PAAF1: variants seen among roughly 807,000 people sequenced by gnomAD.
The protein encoded by PAAF1 is proteasomal ATPase-associated factor 1.
PAAF1 carries 46 observed loss-of-function variants against 52.8 expected under a neutral mutation model. The observed-to-expected ratio is 0.87, with a 90% confidence interval of 0.69 to 1.11. The LOEUF is 1.11. Ranked by LOEUF, PAAF1 falls within the 50% of genes most tolerant of loss-of-function variation. The pLI, the probability that PAAF1 is intolerant of heterozygous loss-of-function variation, is 0.00. For synonymous variants in PAAF1, 178 were observed against 172.8 expected, an observed-to-expected ratio of 1.03 and a Z score of -0.24; for missense variants, 424 against 477.4, an observed-to-expected ratio of 0.89 and a Z score of 1.04.
rs376222796 is a variant in PAAF1, at chr11:73,907,947, A to G, written c.533-1452A>G. Among the ~76,000 whole-genome samples the G allele has an allele frequency of 9.9e-5, 15 of 152,222 alleles. No individual in the cohort carries two copies. The South Asian group carries it at 2.9e-3, about 29-fold the overall frequency. On this transcript the variant is annotated intron_variant, in intron 6 of 11. Coordinates refer to ENST00000310571, the MANE Select transcript of PAAF1 (RefSeq NM_025155.3). The stretch of plus-strand genomic sequence containing the variant: ...GCTTCTGCAGTGTCCTGTCCAGGAC[A>G]TGTGGGAGGCAATAAGGAAATCCAG...
chr11:73,888,965 G>A (rs1031979994), intron 3 of PAAF1: 5 of 501,944 alleles, frequency 1.0e-5, no homozygotes, highest in Non-Finnish European at 1.8e-5. Context: ...CAATCCTGTG[G>A]GATTGGCATT....
chr11:73,884,148 C>G (rs1948994995), intron 2 of PAAF1, among the ~76,000 whole-genome samples: 3 of 152,032 alleles, frequency 2.0e-5, no homozygotes, highest in South Asian at 2.1e-4. Context: ...TGGATTGATC[C>G]TAGTTCTGCT....
At chr11:73,890,905 C>T (rs1949181457) in intron 3 of PAAF1, among the ~76,000 whole-genome samples, 1 of 152,104 alleles carries the variant, frequency 6.6e-6, no homozygotes, top group African/African-American at 2.4e-5. Context: ...CTTAGCAATA[C>T]CAAATTACAC....
chr11:73,908,247 G>GTA (rs567090932), intron 6 of PAAF1, among the ~76,000 whole-genome samples: 115 of 146,076 alleles, frequency 7.9e-4, no homozygotes, highest in African/African-American at 2.8e-3. Flanking sequence ...ATATATATGT[G>GTA]TATATATATG....
chr11:73,921,575 T>G (rs1165815759), intron 10 of PAAF1: 1 of 575,264 alleles, frequency 1.7e-6, no homozygotes, highest in Non-Finnish European at 3.4e-6. Context: ...TAAAACTTTA[T>G]GAAATAAAGG....
At chr11:73,887,776 G>T (rs1949100688) in intron 3 of PAAF1, among the ~76,000 whole-genome samples, 2 of 152,140 alleles carry the variant, frequency 1.3e-5, no homozygotes, top group Admixed American at 6.5e-5. Context: ...TTGAGATGGA[G>T]TCTTGCTCTG....
intron 3 of PAAF1, among the ~76,000 whole-genome samples, chr11:73,888,629 T>C (rs1237846405): frequency 6.6e-6 from 1 of 152,224 alleles, no homozygotes; most frequent in African/African-American, 2.4e-5. Context: ...GAGAATACTT[T>C]GTTTTTTACA....
chr11:73,884,449 C>T (rs572710227), intron 2 of PAAF1, among the ~76,000 whole-genome samples: 1 of 152,154 alleles, frequency 6.6e-6, no homozygotes, highest in African/African-American at 2.4e-5. Context: ...GAACCATGAT[C>T]ATACCACTGC....
At position 73,880,687 on chromosome 11, in the gene PAAF1, G is replaced by GGAAAAAAAAAAAAAAAAAAAAAAAAA. The variant is rs1373166466; in HGVS notation, c.88+1868_88+1869insGAAAAAAAAAAAAAAAAAAAAAAAAA. 4.9e-5 allele frequency: 2 copies of GGAAAAAAAAAAAAAAAAAAAAAAAAA among 40,598 alleles called. 1 individual carries two copies. Among genetic ancestry groups the GGAAAAAAAAAAAAAAAAAAAAAAAAA allele is most frequent in the Non-Finnish European group, 1.1e-4 (2 of 18,672 alleles). The allele number at this position is 40,598 out of a possible 1,614,324, so 2.5% of individuals were successfully genotyped here. On this transcript the variant is annotated intron_variant, in intron 2 of 11. Coordinates refer to ENST00000310571, the MANE Select transcript of PAAF1 (RefSeq NM_025155.3). ...GGATGACTGAGCAAGACTCTGTCTC[G>GGAAAAAAAAAAAAAAAAAAAAAAAAA]AAAAAAAAAAAAAAAAAAAAAAAAA...
chr11:73,923,297 G>A (rs1403274197), intron 10 of PAAF1, among the ~76,000 whole-genome samples: 1 of 152,048 alleles, frequency 6.6e-6, no homozygotes, highest in East Asian at 1.9e-4. Context: ...AATGTCTGCT[G>A]ATTCTTTTCC....
intron 4 of PAAF1, among the ~76,000 whole-genome samples, chr11:73,897,189 C>T (rs1160456894): frequency 1.5e-5 from 2 of 135,856 alleles, no homozygotes; most frequent in East Asian, 2.2e-4. Flanking sequence ...GGGGGCTGAC[C>T]CCCCCACCTC....
At chr11:73,925,536 AGTCT>A (rs1950332274) in intron 11 of PAAF1, among the ~76,000 whole-genome samples, 1 of 152,020 alleles carries the variant, frequency 6.6e-6, no homozygotes, top group African/African-American at 2.4e-5. Flanking sequence ...TTACCTCACT[AGTCT>A]GTCAATTCAT....
chr11:73,898,089 A>G (rs914458942), intron 4 of PAAF1, among the ~76,000 whole-genome samples: 2 of 151,938 alleles, frequency 1.3e-5, no homozygotes, highest in Non-Finnish European at 2.9e-5. Context: ...AAGCTGAGGC[A>G]GGAGAATCAG....
intron 4 of PAAF1, among the ~76,000 whole-genome samples, chr11:73,893,738 C>CAAAAAAA (rs564348245): frequency 2.8e-5 from 2 of 71,964 alleles, no homozygotes; most frequent in African/African-American, 5.6e-5. Context: ...ACTCTGTCTC[C>CAAAAAAA]AAAAAAAAAA....
rs191388436 is a variant in PAAF1, at chr11:73,906,740, A to G, written c.533-2659A>G. Among the ~76,000 whole-genome samples the G allele has an allele frequency of 3.6e-4, 55 of 152,340 alleles. 1 individual carries two copies. Among genetic ancestry groups the G allele is most frequent in the Admixed American group, 3.0e-3 (46 of 15,300 alleles). On this transcript the variant is annotated intron_variant, in intron 6 of 11. Transcript: ENST00000310571. ...AAATTTCCAGTAAGACTTGAGAGAC[A>G]TGTGGTTAATCACATTGGATTGGCA...
At chr11:73,898,485 G>T (rs775843814) in intron 4 of PAAF1, among the ~76,000 whole-genome samples, 22 of 151,994 alleles carry the variant, frequency 1.4e-4, no homozygotes, top group Non-Finnish European at 2.4e-4. Flanking sequence ...CAGAGTGTTG[G>T]GATTACACAG....
At chr11:73,889,029 C>G (rs1360388167) in intron 3 of PAAF1, 1 of 553,058 alleles carries the variant, frequency 1.8e-6, no homozygotes. Context: ...TAATTAATCT[C>G]AAATAATCAA....
chr11:73,925,016 G>A (rs1408189777), intron 11 of PAAF1, among the ~76,000 whole-genome samples: 2 of 151,760 alleles, frequency 1.3e-5, no homozygotes, highest in African/African-American at 4.8e-5. Flanking sequence ...TTAGCTGGGC[G>A]TGGTGGTACA....
intron 11 of PAAF1, 30 bp downstream of exon 11, chr11:73,924,727 G>A: frequency 6.4e-7 from 1 of 1,571,498 alleles, no homozygotes; most frequent in Non-Finnish European, 8.8e-7. Flanking sequence ...CCAGACCTGG[G>A]TGATTCTCAT....
Sources: gnomAD v4.1 joint callset for allele counts (sites outside exome capture counted in the v4.1 genomes callset) on GRCh38, gnomAD v4.1.1 for gene constraint, MANE v1.5 for transcripts, NCBI Gene and HGNC (gene_info 2026-07-23, HGNC 2026-07-21) for gene names.